The following ERBIN variants were observed in gnomAD, a reference collection of about 807,000 sequenced individuals.
ERBIN encodes densin-180-like protein.
A neutral mutation model predicts 158.4 loss-of-function variants in ERBIN; 60 were observed. That is an observed-to-expected ratio of 0.38 (90% CI 0.31 to 0.47). ERBIN has a LOEUF of 0.47. Ranked by LOEUF, ERBIN falls within the 20% of genes least tolerant of loss-of-function variation. ERBIN has a pLI of 0.99. For synonymous variants in ERBIN, 594 were observed against 557.2 expected, an observed-to-expected ratio of 1.07 and a Z score of -0.93; for missense variants, 1,610 against 1,648.0, an observed-to-expected ratio of 0.98 and a Z score of 0.40.
chr5:65,948,438 A>G lies in ERBIN; in HGVS notation c.-58+21632A>G, dbSNP rs1374605223. 4.6e-5 allele frequency among the ~76,000 whole-genome samples: 7 copies of G among 151,960 alleles called. No individual in the cohort carries two copies. The East Asian group carries it at 1.4e-3, about 30-fold the overall frequency. ...ATGATTCTCCTGCTGCAGCATCCCAAAGTGCTGGGCTTTAAAGGTGTGAGC... is the reference window on the plus strand; with the variant it reads ...ATGATTCTCCTGCTGCAGCATCCCAGAGTGCTGGGCTTTAAAGGTGTGAGC... On this transcript the variant is annotated intron_variant, in intron 1 of 25. Coordinates refer to ENST00000284037, the MANE Select transcript of ERBIN (RefSeq NM_001253697.2).
At chr5:66,046,294 C>A in intron 17 of ERBIN, 59 bp from the exon 18 acceptor site, 2 of 1,052,818 alleles carry the variant, frequency 1.9e-6, no homozygotes, top group Non-Finnish European at 1.3e-6. Flanking sequence ...TTTATCTGAA[C>A]TTTTAAAATA....
intron 4 of ERBIN, among the ~76,000 whole-genome samples, chr5:66,008,367 T>C (rs1580333566): frequency 6.6e-6 from 1 of 152,120 alleles, no homozygotes; most frequent in Admixed American, 6.5e-5. Context: ...TGCAGTGAGC[T>C]GAGATCGCGC....
rs1755263724 is a variant in ERBIN, at chr5:66,018,569, ATAT to A, written c.534-2749_534-2747del. On this transcript the variant is annotated intron_variant, in intron 7 of 25. Transcript: ENST00000284037. ...TATTATATATTATATAATATATATT[ATAT>A]TATATAATATATATTATATAATATA... 8.8e-5 allele frequency among the ~76,000 whole-genome samples: 4 copies of A among 45,258 alleles called. 2 individuals carry two copies. Among genetic ancestry groups the A allele is most frequent in the African/African-American group, 6.3e-4 (4 of 6,386 alleles). The allele number at this position is 45,258 out of a possible 152,430, so 29.7% of individuals were successfully genotyped here.
intron 1 of ERBIN, among the ~76,000 whole-genome samples, chr5:65,942,937 T>G (rs1745248177): frequency 6.6e-6 from 1 of 151,906 alleles, no homozygotes; most frequent in African/African-American, 2.4e-5. Context: ...AGACTTTAAG[T>G]TTTTTGAGTA....
intron 1 of ERBIN, chr5:65,984,991 G>A (rs926592693): frequency 3.9e-5 from 6 of 152,156 alleles, no homozygotes; most frequent in Non-Finnish European, 5.9e-5. Context: ...CTCAAGTAGT[G>A]GATGGGGAAG....
At chr5:66,001,930 C>T (rs1238086671) in intron 4 of ERBIN, among the ~76,000 whole-genome samples, 1 of 152,080 alleles carries the variant, frequency 6.6e-6, no homozygotes, top group Non-Finnish European at 1.5e-5. Context: ...GCTTCACATG[C>T]ATTAGGTGTT....
At chr5:65,999,990 G>A (rs1262000603) in intron 4 of ERBIN, among the ~76,000 whole-genome samples, 3 of 151,628 alleles carry the variant, frequency 2.0e-5, no homozygotes, top group East Asian at 1.9e-4. Flanking sequence ...CTCTACATAT[G>A]TTGACAGATA....
At chr5:65,977,828 C>T (rs1169936767) in intron 1 of ERBIN, among the ~76,000 whole-genome samples, 1 of 152,030 alleles carries the variant, frequency 6.6e-6, no homozygotes, top group Non-Finnish European at 1.5e-5. Context: ...GAGGTTGTAG[C>T]GAGCCGAGAT....
chr5:65,940,476 T>TCCCC (rs1244777484), intron 1 of ERBIN, among the ~76,000 whole-genome samples: 1 of 18,488 alleles, frequency 5.4e-5, no homozygotes, highest in East Asian at 1.4e-3. Flanking sequence ...GGGGGGTCAG[T>TCCCC]CCCCCCCCCC....
intron 1 of ERBIN, among the ~76,000 whole-genome samples, chr5:65,952,474 C>A (rs59297152): frequency 1.3e-5 from 2 of 152,046 alleles, no homozygotes; most frequent in African/African-American, 4.8e-5. Context: ...ATCTTACCAC[C>A]TCAGCCTGCC....
chr5:66,054,221 C>T lies in ERBIN; in HGVS notation c.2903C>T (p.Ala968Val). Residue 968 changes from alanine to valine, a missense_variant, in exon 21 of 26, where the codon GCA (alanine) becomes GTA (valine). Physicochemically the swap from Ala to Val is moderately conservative, Grantham distance 64. This residue lies in a region of ERBIN where 1,014 missense variants were observed against 936.1 expected (regional missense o/e 1.08). Coordinates refer to ENST00000284037, the MANE Select transcript of ERBIN (RefSeq NM_001253697.2). ...GGCCCCACAAGTGGCCCACAATCTG[C>T]ACCTCAAATATATGGTCCTCCACAG... ...IRGPTSGPQS[A>V]PQIYGPPQYN... is the part of the protein sequence containing the mutation. The T allele has an allele frequency of 6.2e-7, 1 of 1,614,132 alleles. No homozygotes were observed. The highest frequency in any genetic ancestry group is 8.5e-7 in the Non-Finnish European group (1 of 1,180,020).
intron 1 of ERBIN, among the ~76,000 whole-genome samples, chr5:65,957,610 ACTT>A (rs1747339235): frequency 6.6e-6 from 1 of 152,208 alleles, no homozygotes; most frequent in African/African-American, 2.4e-5. Flanking sequence ...TCCCATGTCT[ACTT>A]CTTTCCACAC....
rs1759348166 is a variant in ERBIN, at chr5:66,054,189, A to T, written c.2871A>T (p.Ile957=). 1 of 1,614,118 alleles carries T rather than the reference A, an allele frequency of 6.2e-7. No individual in the cohort carries two copies. The highest frequency in any genetic ancestry group is 1.3e-5 in the African/African-American group (1 of 75,038). Reference sequence around the variant, plus strand: ...ATCATAATCCCGAAGAGCCAAATATAATAAGAGGCCCCACAAGTGGCCCAC... The same window carrying T: ...ATCATAATCCCGAAGAGCCAAATATTATAAGAGGCCCCACAAGTGGCCCAC... ...DSNHNPEEPN[I]IRGPTSGPQS... Residue 957 remains isoleucine, a synonymous_variant, in exon 21 of 26, where the codon ATA becomes ATT. Transcript: ENST00000284037.
intron 21 of ERBIN, among the ~76,000 whole-genome samples, chr5:66,061,969 C>T (rs1284025059): frequency 1.3e-5 from 2 of 152,148 alleles, no homozygotes; most frequent in Non-Finnish European, 2.9e-5. Flanking sequence ...CTCTGGCTGC[C>T]CTTAACATTT....
At chr5:66,035,025 C>A (rs1757257661) in intron 14 of ERBIN, among the ~76,000 whole-genome samples, 1 of 152,066 alleles carries the variant, frequency 6.6e-6, no homozygotes, top group African/African-American at 2.4e-5. Context: ...AGTGGGAGGG[C>A]TGCATGATGT....
chr5:65,958,128 T>A (rs1747452511), intron 1 of ERBIN, among the ~76,000 whole-genome samples: 1 of 148,702 alleles, frequency 6.7e-6, no homozygotes, highest in African/African-American at 2.5e-5. Context: ...CGCTCCTCAC[T>A]TCCCAGACTG....
Position 65,996,577 on chromosome 5 carries a change from C to T in ERBIN, c.307+1713C>T, listed in dbSNP as rs755039613. Among the ~76,000 whole-genome samples, 8 of 152,020 alleles carry T rather than the reference C, an allele frequency of 5.3e-5. No homozygotes were observed. The South Asian group carries it at 6.2e-4, about 12-fold the overall frequency. On this transcript the variant is annotated intron_variant, in intron 4 of 25. Transcript: ENST00000284037. ...TTGTGAAGTCGGGTGTGATGCCTGC[C>T]GTTTAGTTCTTTTTGTTCACCGTTG... is the stretch of plus-strand genomic sequence containing the variant.
intron 14 of ERBIN, among the ~76,000 whole-genome samples, chr5:66,029,814 C>A (rs1756667074): frequency 6.6e-6 from 1 of 152,160 alleles, no homozygotes; most frequent in East Asian, 1.9e-4. Context: ...TGGTCTCGAT[C>A]TCTTGACCTC....
chr5:65,979,744 A>G (rs1420337868), intron 1 of ERBIN, among the ~76,000 whole-genome samples: 2 of 152,244 alleles, frequency 1.3e-5, no homozygotes, highest in African/African-American at 4.8e-5. Context: ...CTATGATAAG[A>G]AATAAAGACA....
Sources: allele counts gnomAD v4.1 joint callset (sites outside exome capture counted in the v4.1 genomes callset), GRCh38; gene constraint gnomAD v4.1.1; regional missense constraint gnomAD v4.1.1; transcripts MANE v1.5; gene names NCBI Gene and HGNC (gene_info 2026-07-23, HGNC 2026-07-21).